Variants in TAS2R1 observed in about 807,000 individuals in gnomAD.
TAS2R1 encodes taste 2 receptor member 1.
For missense variants in TAS2R1, 370 were observed against 353.4 expected, an observed-to-expected ratio of 1.05 and a Z score of -0.38; for synonymous variants, 141 against 134.2, an observed-to-expected ratio of 1.05 and a Z score of -0.35.
chr5:9,640,507 A>AAAC (rs1242688471), intron 2 of TAS2R1, among the ~76,000 whole-genome samples: 4 of 148,842 alleles, frequency 2.7e-5, no homozygotes, highest in African/African-American at 5.0e-5. Context: ...TAAAAAAAAA[A>AAAC]AAAAAAAAAA....
chr5:9,800,308 A>G, the TAS2R1 span, among the ~76,000 whole-genome samples: 1 of 152,214 alleles, frequency 6.6e-6, no homozygotes, highest in Non-Finnish European at 1.5e-5. Context: ...ATTTGGGTTC[A>G]TATCTCTGGG....
At chr5:9,821,934 A>G in the TAS2R1 span, among the ~76,000 whole-genome samples, 37 of 152,216 alleles carry the variant, frequency 2.4e-4, no homozygotes, top group Non-Finnish European at 4.4e-4. Flanking sequence ...AAAGTCTAGC[A>G]GCCATGCCCA....
chr5:9,672,343 G>A (rs768607611), intron 1 of TAS2R1, among the ~76,000 whole-genome samples: 8 of 151,780 alleles, frequency 5.3e-5, no homozygotes, highest in Non-Finnish European at 1.0e-4. Context: ...CAGAGTAAAA[G>A]ACAACCTACA....
At chr5:9,846,886 C>T in the TAS2R1 span, among the ~76,000 whole-genome samples, 1 of 152,234 alleles carries the variant, frequency 6.6e-6, no homozygotes. Context: ...TGTCTCCTTA[C>T]ACTTTCTTTT....
chr5:9,668,139 CA>C (rs1740676719), intron 1 of TAS2R1, among the ~76,000 whole-genome samples: 2 of 152,094 alleles, frequency 1.3e-5, no homozygotes, highest in Non-Finnish European at 2.9e-5. Context: ...CAAATATCAA[CA>C]GCAGAATCTG....
chr5:9,874,047 A>G, the TAS2R1 span, among the ~76,000 whole-genome samples: 2 of 152,080 alleles, frequency 1.3e-5, no homozygotes, highest in Admixed American at 6.5e-5. Context: ...AAAGAAAGAC[A>G]AAGTACTACA....
chr5:9,805,704 T>C, the TAS2R1 span, among the ~76,000 whole-genome samples: 1 of 152,106 alleles, frequency 6.6e-6, no homozygotes, highest in Non-Finnish European at 1.5e-5. Flanking sequence ...CATCCCTTTA[T>C]AATTAAAACC....
intron 1 of TAS2R1, among the ~76,000 whole-genome samples, chr5:9,675,195 G>A (rs889645040): frequency 1.6e-4 from 24 of 150,442 alleles, no homozygotes; most frequent in African/African-American, 5.1e-4. Context: ...AATAAGTGGA[G>A]AGATAGTCTA....
At chr5:9,822,736 G>T in the TAS2R1 span, among the ~76,000 whole-genome samples, 1 of 152,008 alleles carries the variant, frequency 6.6e-6, no homozygotes, top group East Asian at 1.9e-4. Flanking sequence ...AATTTATATG[G>T]CAGTTTATTG....
the TAS2R1 span, among the ~76,000 whole-genome samples, chr5:9,756,441 A>G: frequency 6.6e-6 from 1 of 152,222 alleles, no homozygotes; most frequent in East Asian, 1.9e-4. Flanking sequence ...ATCTTCTTAT[A>G]AGAAATATAC....
chr5:9,846,128 TA>T, the TAS2R1 span, among the ~76,000 whole-genome samples: 1 of 152,172 alleles, frequency 6.6e-6, no homozygotes, highest in Non-Finnish European at 1.5e-5. Flanking sequence ...GAGATTTATA[TA>T]AACCAAGAAA....
chr5:9,822,372 C>T, the TAS2R1 span, among the ~76,000 whole-genome samples: 68 of 122,018 alleles, frequency 5.6e-4, no homozygotes, highest in Non-Finnish European at 9.7e-4. Flanking sequence ...TTTTTTGAGA[C>T]GGAGGCTCAC....
the TAS2R1 span, among the ~76,000 whole-genome samples, chr5:9,838,222 G>T: frequency 6.6e-6 from 1 of 152,156 alleles, no homozygotes. Context: ...ATCTGTAAAA[G>T]TGCCCAGGAA....
At chr5:9,823,262 C>T in the TAS2R1 span, among the ~76,000 whole-genome samples, 2 of 152,152 alleles carry the variant, frequency 1.3e-5, no homozygotes, top group Non-Finnish European at 2.9e-5. Context: ...TAGCGTTTCT[C>T]AACCATTTTT....
the TAS2R1 span, among the ~76,000 whole-genome samples, chr5:9,803,007 G>A: frequency 6.6e-6 from 1 of 152,152 alleles, no homozygotes; most frequent in African/African-American, 2.4e-5. Flanking sequence ...CCTGATACAG[G>A]ATATGAAAGG....
At chr5:9,885,970 T>C in the TAS2R1 span, among the ~76,000 whole-genome samples, 1 of 151,932 alleles carries the variant, frequency 6.6e-6, no homozygotes, top group African/African-American at 2.4e-5. Flanking sequence ...GAAAGGATAT[T>C]AAGAAAACTG....
At chr5:9,876,552 C>T in the TAS2R1 span, among the ~76,000 whole-genome samples, 1 of 152,184 alleles carries the variant, frequency 6.6e-6, no homozygotes, top group Non-Finnish European at 1.5e-5. Flanking sequence ...GAAGCACAGT[C>T]TTTCTCCCAT....
intron 1 of TAS2R1, among the ~76,000 whole-genome samples, chr5:9,704,470 T>A (rs1741559447): frequency 6.6e-6 from 1 of 152,146 alleles, no homozygotes; most frequent in Admixed American, 6.5e-5. Flanking sequence ...AGTATTTAAA[T>A]GTATACGGTT....
intron 1 of TAS2R1, among the ~76,000 whole-genome samples, chr5:9,695,532 A>T (rs1741338857): frequency 6.6e-6 from 1 of 151,460 alleles, no homozygotes; most frequent in Non-Finnish European, 1.5e-5. Flanking sequence ...TGCATTTTGA[A>T]GATCTGAAGA....
Sources: gnomAD v4.1 joint callset for allele counts (sites outside exome capture counted in the v4.1 genomes callset) on GRCh38, gnomAD v4.1.1 for gene constraint, MANE v1.5 for transcripts, NCBI Gene and HGNC (gene_info 2026-07-23, HGNC 2026-07-21) for gene names.